AIG1: variants seen among roughly 807,000 people sequenced by gnomAD.
AIG1 encodes the protein androgen induced 1, also known as androgen-induced gene 1 protein.
In AIG1, 23 loss-of-function variants were observed where a neutral mutation model predicts 31.4. The ratio of observed to expected loss-of-function variants is 0.73; its 90% confidence interval spans 0.53 to 1.04. AIG1 has a LOEUF of 1.04. Ranked by LOEUF, AIG1 falls within the 50% of genes least tolerant of loss-of-function variation. The pLI is 0.00. For synonymous variants in AIG1, 100 were observed against 110.5 expected (o/e 0.90, Z 0.60); for missense variants, 274 against 295.0 (o/e 0.93, Z 0.52).
At chr6:143,137,017 C>A (rs758702511) in intron 2 of AIG1, 27 bp downstream of exon 2, 2 of 1,339,852 alleles carry the variant, frequency 1.5e-6, no homozygotes, top group Admixed American at 2.9e-5. Context: ...ATGCATTTAG[C>A]CACAAAAGAA....
At chr6:143,108,575 G>T (rs927999825) in intron 1 of AIG1, among the ~76,000 whole-genome samples, 6 of 152,178 alleles carry the variant, frequency 3.9e-5, no homozygotes, top group Non-Finnish European at 7.4e-5. Flanking sequence ...TCTGGCTCTG[G>T]TGTATAAAAT....
At chr6:143,157,339 T>C (rs1350692646) in intron 2 of AIG1, among the ~76,000 whole-genome samples, 1 of 152,064 alleles carries the variant, frequency 6.6e-6, no homozygotes, top group African/African-American at 2.4e-5. Context: ...TCCTTCTCCT[T>C]GACCACAATC....
At chr6:143,171,443 ATATATAT>A (rs1562454017) in intron 3 of AIG1, among the ~76,000 whole-genome samples, 1 of 80,408 alleles carries the variant, frequency 1.2e-5, no homozygotes, top group African/African-American at 6.4e-5. Flanking sequence ...TATATATATA[ATATATAT>A]ATTTAATATA....
chr6:143,327,904 T>C lies in AIG1; in HGVS notation c.516-5378T>C, dbSNP rs897178267. On this transcript the variant is annotated intron_variant, in intron 4 of 5. Transcript: ENST00000357847. The surrounding 1 kb of genome is among the most constrained non-coding windows in gnomAD (Gnocchi z 5.3). ...TATCTTTAAGATGGGCAAAATGAGA[T>C]GTCTTAAGAACAGTTTGATAAACTG... 1.3e-5 allele frequency among the ~76,000 whole-genome samples: 2 copies of C among 152,262 alleles called. No homozygotes were observed. The highest frequency in any genetic ancestry group is 1.3e-4 in the Admixed American group (2 of 15,276).
intron 3 of AIG1, among the ~76,000 whole-genome samples, chr6:143,241,873 T>C (rs548562898): frequency 6.6e-6 from 1 of 152,284 alleles, no homozygotes; most frequent in South Asian, 2.1e-4. Flanking sequence ...GTTTAAAATA[T>C]CATGTAAAGT....
At chr6:143,188,118 G>A in intron 3 of AIG1, 1 of 1,008,598 alleles carries the variant, frequency 9.9e-7, no homozygotes. Flanking sequence ...TAAAATGAAG[G>A]ATAAGCCGCA....
chr6:143,281,361 A>G (rs980941411), intron 3 of AIG1, among the ~76,000 whole-genome samples: 7 of 152,182 alleles, frequency 4.6e-5, no homozygotes, highest in Non-Finnish European at 1.0e-4. Context: ...TTCTTTTCTA[A>G]GTGCTGCAGA....
At chr6:143,209,836 C>T (rs1156922919) in intron 3 of AIG1, among the ~76,000 whole-genome samples, 1 of 152,186 alleles carries the variant, frequency 6.6e-6, no homozygotes, top group Non-Finnish European at 1.5e-5. Context: ...TTGCCTTGTT[C>T]ATTAGCTTGC....
intron 3 of AIG1, among the ~76,000 whole-genome samples, chr6:143,168,989 A>C (rs1278136735): frequency 6.6e-6 from 1 of 151,696 alleles, no homozygotes; most frequent in Non-Finnish European, 1.5e-5. Flanking sequence ...AAGGCAAGAA[A>C]AATATAGTTT....
At chr6:143,261,614 C>T (rs1795786345) in intron 3 of AIG1, among the ~76,000 whole-genome samples, 2 of 152,048 alleles carry the variant, frequency 1.3e-5, no homozygotes, top group Admixed American at 1.3e-4. Context: ...AAGTATAGCC[C>T]TTACCTTTCC....
At chr6:143,195,859 G>A (rs1790183179) in intron 3 of AIG1, among the ~76,000 whole-genome samples, 1 of 152,184 alleles carries the variant, frequency 6.6e-6, no homozygotes, top group African/African-American at 2.4e-5. Flanking sequence ...GAAAAGAGGA[G>A]CCTTGCCTGG....
rs938717895 is a variant in AIG1, at chr6:143,311,329, C to G, written c.516-21953C>G. 4.6e-5 allele frequency among the ~76,000 whole-genome samples: 7 copies of G among 151,710 alleles called. No individual in the cohort carries two copies. In the East Asian group the frequency reaches 9.6e-4, roughly 21 times the overall value. ...CAAGATGATGGAGACTCCCGAATACCCTGACTTGATCATGCATCAAGTATA... is the reference window on the plus strand; with the variant it reads ...CAAGATGATGGAGACTCCCGAATACGCTGACTTGATCATGCATCAAGTATA... On this transcript the variant is annotated intron_variant, in intron 4 of 5. Transcript: ENST00000357847.
At chr6:143,172,449 G>A (rs1238730109) in intron 3 of AIG1, among the ~76,000 whole-genome samples, 3 of 152,118 alleles carry the variant, frequency 2.0e-5, no homozygotes, top group Admixed American at 6.5e-5. Context: ...TTTTTCACAC[G>A]TTGTTGGATT....
At chr6:143,252,223 G>C (rs1169870293) in intron 3 of AIG1, among the ~76,000 whole-genome samples, 2 of 152,136 alleles carry the variant, frequency 1.3e-5, no homozygotes, top group African/African-American at 4.8e-5. Context: ...ATGTTCAAGC[G>C]ATTCTCCCGC....
intron 3 of AIG1, 92 bp downstream of exon 3, chr6:143,165,275 T>A: frequency 1.0e-6 from 1 of 979,766 alleles, no homozygotes; most frequent in Non-Finnish European, 1.6e-6. Context: ...AGAATTTGCC[T>A]AAAAAGCCAT....
rs1186490089 is a variant in AIG1, at chr6:143,288,379, T to TA, written c.515+4156dup. ...CATGTGAGATCTCAGAAGCCATGTATAATACGTGCTGATCTCTCAACCCAG... is the reference window on the plus strand; with the variant it reads ...CATGTGAGATCTCAGAAGCCATGTATAAATACGTGCTGATCTCTCAACCCAG... On this transcript the variant is annotated intron_variant, in intron 4 of 5. Transcript: ENST00000357847. This position sits in a 1 kb window ranked among gnomAD's most constrained non-coding sequence, Gnocchi z 4.4. 6.6e-6 allele frequency among the ~76,000 whole-genome samples: 1 copy of TA among 152,180 alleles called. No homozygotes were observed. Among genetic ancestry groups the TA allele is most frequent in the Non-Finnish European group, 1.5e-5 (1 of 68,036 alleles).
rs1239566453 is a variant in AIG1, at chr6:143,156,089, T to C, written c.298-8993T>C. ...TCATGTCAGCAGGCCCAGCCAACAA[T>C]AGGGACCTCAGATCCTGGAGCATCT... On this transcript the variant is annotated intron_variant, in intron 2 of 5. Coordinates refer to ENST00000357847, the MANE Select transcript of AIG1 (RefSeq NM_016108.4). Among the ~76,000 whole-genome samples, 4 of 152,150 alleles carry C rather than the reference T, an allele frequency of 2.6e-5. No individual in the cohort carries two copies. In the East Asian group the frequency reaches 5.8e-4, roughly 22 times the overall value.
At chr6:143,076,730 T>G (rs888557823) in intron 1 of AIG1, among the ~76,000 whole-genome samples, 1 of 151,482 alleles carries the variant, frequency 6.6e-6, no homozygotes, top group Non-Finnish European at 1.5e-5. Context: ...TGTAGTGCAG[T>G]GGCACGATCT....
At chr6:143,139,434 G>A (rs1784069960) in intron 2 of AIG1, among the ~76,000 whole-genome samples, 1 of 152,096 alleles carries the variant, frequency 6.6e-6, no homozygotes. Flanking sequence ...AGCACATGGA[G>A]GGGATCAGTG....
Sources: gnomAD v4.1 joint callset for allele counts (sites outside exome capture counted in the v4.1 genomes callset) on GRCh38, gnomAD v4.1.1 for gene constraint, Gnocchi (gnomAD v3.1) non-coding constraint, MANE v1.5 for transcripts, NCBI Gene and HGNC (gene_info 2026-07-23, HGNC 2026-07-21) for gene names.